Variants in TBC1D9 observed in about 807,000 individuals in gnomAD.
TBC1D9 encodes TBC1 domain family member 9.
A neutral mutation model predicts 132.0 loss-of-function variants in TBC1D9; 63 were observed. The ratio of observed to expected loss-of-function variants is 0.48; its 90% CI spans 0.39 to 0.59. TBC1D9 has a LOEUF of 0.59. TBC1D9 is among the 20% of genes least tolerant of loss of function. TBC1D9 has a pLI of 0.00. For missense variants in TBC1D9, 1,261 were observed against 1,592.7 expected, an observed-to-expected ratio of 0.79 and a Z score of 3.54; for synonymous variants, 610 against 609.9, an observed-to-expected ratio of 1.00 and a Z score of 0.00.
intron 1 of TBC1D9, among the ~76,000 whole-genome samples, chr4:140,709,363 T>A (rs1738204343): frequency 6.6e-6 from 1 of 150,886 alleles, no homozygotes; most frequent in South Asian, 2.1e-4. Flanking sequence ...ATTAGGAGAG[T>A]GCTTCTCAAA....
intron 13 of TBC1D9, among the ~76,000 whole-genome samples, chr4:140,641,273 G>A (rs554138194): frequency 2.0e-5 from 3 of 152,084 alleles, no homozygotes; most frequent in Non-Finnish European, 2.9e-5. Flanking sequence ...TTGCTAGCAC[G>A]TTCTATCTTT....
At chr4:140,643,932 T>TC in intron 13 of TBC1D9, 1 of 659,196 alleles carries the variant, frequency 1.5e-6, no homozygotes, top group Admixed American at 1.9e-5. Context: ...GGGGCGCTCG[T>TC]CCACATCCTC....
At position 140,679,195 on chromosome 4, in the gene TBC1D9, C is replaced by T. The variant is rs774112896; in HGVS notation, c.598G>A (p.Val200Ile). The change falls in exon 5 of 21, where the codon GTC becomes ATC. Residue 200 changes from valine (V) to isoleucine (I), a missense_variant. Transcript: ENST00000442267. ...TGAGTGATGTCTACCCACCGGATGACCAGTTTCGCTGAGCACAAGGAACAA... is the reference window on the plus strand; with the variant it reads ...TGAGTGATGTCTACCCACCGGATGATCAGTTTCGCTGAGCACAAGGAACAA... ...SFLMGREAKL[V>I]IRWVDITQLE... 3.7e-6 allele frequency: 6 copies of T among 1,612,682 alleles called. No individual in the cohort carries two copies. Among genetic ancestry groups the T allele is most frequent in the Non-Finnish European group, 5.1e-6 (6 of 1,179,040 alleles).
At chr4:140,632,505 T>C (rs975812388) in intron 16 of TBC1D9, among the ~76,000 whole-genome samples, 7 of 152,208 alleles carry the variant, frequency 4.6e-5, no homozygotes, top group Admixed American at 1.3e-4. Context: ...AAGGATAAGC[T>C]TTCAGGACAG....
At chr4:140,742,901 AGG>A (rs1738781858) in intron 1 of TBC1D9, among the ~76,000 whole-genome samples, 1 of 151,834 alleles carries the variant, frequency 6.6e-6, no homozygotes, top group Non-Finnish European at 1.5e-5. Context: ...GAGGAGGAGG[AGG>A]AGGAGGAGAA....
At chr4:140,746,501 T>C (rs566021403) in intron 1 of TBC1D9, among the ~76,000 whole-genome samples, 1 of 152,232 alleles carries the variant, frequency 6.6e-6, no homozygotes, top group Admixed American at 6.5e-5. Context: ...AATCTATTAG[T>C]CCATTTTCAT....
chr4:140,663,372 T>C (rs555740174), intron 9 of TBC1D9, among the ~76,000 whole-genome samples: 6 of 152,226 alleles, frequency 3.9e-5, no homozygotes, highest in East Asian at 3.9e-4. Flanking sequence ...AGAATGGCTA[T>C]GATAAAAAAG....
At chr4:140,731,761 A>G (rs1377893810) in intron 1 of TBC1D9, among the ~76,000 whole-genome samples, 1 of 152,082 alleles carries the variant, frequency 6.6e-6, no homozygotes. Context: ...ACTCCTGAGG[A>G]GCAGATACAA....
At position 140,749,290 on chromosome 4, in the gene TBC1D9, C is replaced by A. The variant is rs959389442; in HGVS notation, c.130+6626G>T. Among the ~76,000 whole-genome samples, 5 of 150,876 alleles carry A rather than the reference C, an allele frequency of 3.3e-5. No individual in the cohort carries two copies. The East Asian group carries it at 9.7e-4, about 29-fold the overall frequency. ...AATGCATTTGTATTGTCCAGAATAA[C>A]CACTAAAAGAATAATAAAATGAATA... is the stretch of plus-strand genomic sequence containing the variant. On this transcript the variant is annotated intron_variant, in intron 1 of 20. Transcript: ENST00000442267.
At chr4:140,710,457 A>G (rs908385262) in intron 1 of TBC1D9, among the ~76,000 whole-genome samples, 1 of 152,192 alleles carries the variant, frequency 6.6e-6, no homozygotes, top group African/African-American at 2.4e-5. Context: ...TAAATGCTCA[A>G]CAAGAGAGAG....
At chr4:140,623,631 C>T (rs1325812356) in intron 20 of TBC1D9, among the ~76,000 whole-genome samples, 1 of 152,188 alleles carries the variant, frequency 6.6e-6, no homozygotes, top group Admixed American at 6.5e-5. Flanking sequence ...ACACATGCCC[C>T]ATCTCCCTGG....
At chr4:140,645,725 C>T (rs940231018) in intron 13 of TBC1D9, among the ~76,000 whole-genome samples, 4 of 152,320 alleles carry the variant, frequency 2.6e-5, no homozygotes, top group African/African-American at 9.6e-5. Flanking sequence ...CCCTCTCTGA[C>T]CAGCCACCAC....
At chr4:140,639,836 G>A (rs543003256) in intron 13 of TBC1D9, among the ~76,000 whole-genome samples, 3 of 152,336 alleles carry the variant, frequency 2.0e-5, no homozygotes, top group Admixed American at 6.5e-5. Context: ...CTGACCAGTA[G>A]GTTCAAGAGC....
chr4:140,625,052 C>CA (rs11332597), intron 18 of TBC1D9, among the ~76,000 whole-genome samples: 1,472 of 145,700 alleles, frequency 0.01, 9 homozygotes, highest in African/African-American at 0.016. Context: ...AACTCCATCT[C>CA]AAAAAAAAAA....
chr4:140,624,475 C>G, intron 18 of TBC1D9, 87 bp from the exon 19 acceptor site: 4 of 1,185,188 alleles, frequency 3.4e-6, no homozygotes, highest in Non-Finnish European at 3.6e-6. Context: ...ATAGAAGACT[C>G]TCTAAGTAGG....
intron 16 of TBC1D9, among the ~76,000 whole-genome samples, chr4:140,631,869 T>C (rs1353147400): frequency 6.6e-6 from 1 of 152,208 alleles, no homozygotes; most frequent in African/African-American, 2.4e-5. Flanking sequence ...AGTGCTGGGA[T>C]GACAGCCATG....
At chr4:140,695,328 C>T (rs553656780) in intron 2 of TBC1D9, among the ~76,000 whole-genome samples, 65 of 152,274 alleles carry the variant, frequency 4.3e-4, no homozygotes, top group African/African-American at 1.6e-3. Context: ...GCTGCTCTAT[C>T]TTTCATTTCT....
At chr4:140,652,742 A>C (rs1737206493) in intron 13 of TBC1D9, among the ~76,000 whole-genome samples, 1 of 152,192 alleles carries the variant, frequency 6.6e-6, no homozygotes, top group South Asian at 2.1e-4. Flanking sequence ...TGCCCCACAC[A>C]TGGCAGGCTC....
In TBC1D9 at chr4:140,746,889, G is replaced by T. The variant is rs542975699; in HGVS notation, c.130+9027C>A. On this transcript the variant is annotated intron_variant, in intron 1 of 20. Coordinates refer to ENST00000442267, the MANE Select transcript of TBC1D9 (RefSeq NM_015130.3). Reference sequence around the variant, plus strand: ...TCTTGTAAAGAATACTAAATAGGACGGGCGCAGTGGCTCATGCCTATAATC... The same window carrying T: ...TCTTGTAAAGAATACTAAATAGGACTGGCGCAGTGGCTCATGCCTATAATC... Among the ~76,000 whole-genome samples, 30 of 152,242 alleles carry T rather than the reference G, an allele frequency of 2.0e-4. No homozygotes were observed. In the East Asian group the frequency reaches 4.6e-3, roughly 23 times the overall value.
Sources: allele counts gnomAD v4.1 joint callset (sites outside exome capture counted in the v4.1 genomes callset), GRCh38; gene constraint gnomAD v4.1.1; transcripts MANE v1.5; gene names NCBI Gene and HGNC (gene_info 2026-07-23, HGNC 2026-07-21).